SLC37A3: variants seen among roughly 807,000 people sequenced by gnomAD.
SLC37A3 encodes the protein solute carrier family 37 member 3, also known as sugar phosphate exchanger 3.
A neutral mutation model predicts 67.1 loss-of-function variants in SLC37A3; 51 were observed. The observed-to-expected ratio is 0.76, with a 90% confidence interval of 0.61 to 0.96. The LOEUF (loss-of-function observed/expected upper bound fraction) is 0.96. SLC37A3 is among the 40% of genes least tolerant of loss of function. The pLI is 0.00. For synonymous variants in SLC37A3, 214 were observed against 231.4 expected (o/e 0.92, Z 0.68); for missense variants, 508 against 603.0 (o/e 0.84, Z 1.65).
At chr7:140,386,487 TG>T (rs1214499545) in intron 1 of SLC37A3, among the ~76,000 whole-genome samples, 1 of 93,018 alleles carries the variant, frequency 1.1e-5, no homozygotes, top group Admixed American at 1.1e-4. Flanking sequence ...ACCTTGCACA[TG>T]TATCCTATCT....
At chr7:140,360,629 G>A (rs941020874) in intron 5 of SLC37A3, among the ~76,000 whole-genome samples, 2 of 151,630 alleles carry the variant, frequency 1.3e-5, no homozygotes, top group Non-Finnish European at 2.9e-5. Flanking sequence ...AGCTACTCAG[G>A]AGGCTAAAAC....
rs34892110 is a variant in SLC37A3, at chr7:140,376,940, ATTTTTTTT to A, written c.198+3334_198+3341del. ...AGGTATGTGCCACCACACCCAGCTAATTTTTTTTTTTTTTTTTTTTTGAGACAGAGTCT... is the reference window on the plus strand; with the variant it reads ...AGGTATGTGCCACCACACCCAGCTAATTTTTTTTTTTTTGAGACAGAGTCT... On this transcript the variant is annotated intron_variant, in intron 3 of 14. Coordinates refer to ENST00000326232, the MANE Select transcript of SLC37A3 (RefSeq NM_207113.3). 2.7e-5 allele frequency among the ~76,000 whole-genome samples: 3 copies of A among 110,494 alleles called. No homozygotes were observed. The East Asian group carries it at 8.4e-4, about 31-fold the overall frequency. The allele number at this position is 110,494 out of a possible 152,430, so 72.5% of individuals were successfully genotyped here.
At chr7:140,392,298 T>A (rs981146570) in intron 1 of SLC37A3, among the ~76,000 whole-genome samples, 1 of 152,174 alleles carries the variant, frequency 6.6e-6, no homozygotes, top group East Asian at 1.9e-4. Flanking sequence ...GTACTGCCAT[T>A]CCTTATAGTC....
At chr7:140,364,339 G>T in intron 5 of SLC37A3, 69 bp downstream of exon 5, 3 of 1,368,834 alleles carry the variant, frequency 2.2e-6, no homozygotes, top group South Asian at 2.5e-5. Context: ...ATTCTACAGA[G>T]AAGTAGGGAG....
chr7:140,381,431 G>A (rs1008155032), intron 2 of SLC37A3, among the ~76,000 whole-genome samples: 4 of 151,446 alleles, frequency 2.6e-5, no homozygotes, highest in Admixed American at 1.3e-4. Context: ...AGGCTGAGGC[G>A]GGTAGATCAT....
rs1226808063 is a variant in SLC37A3 at position 140,380,370 on chromosome 7, G to A, written c.110C>T (p.Ser37Leu). The A allele has an allele frequency of 1.9e-6, 3 of 1,612,496 alleles. No homozygotes were observed. Among genetic ancestry groups the A allele is most frequent in the Non-Finnish European group, 1.7e-6 (2 of 1,178,964 alleles). Residue 37 changes from serine (S) to leucine (L), a missense_variant, in exon 3 of 15, where the codon TCA (serine) becomes TTA (leucine). Physicochemically the swap from Ser to Leu is moderately radical, Grantham distance 145. Transcript: ENST00000326232. ...TFFSYSLLHASRKTFSNVKVS... is the reference protein window; with the variant it reads ...TFFSYSLLHALRKTFSNVKVS... ...TTTGACATTGCTAAATGTTTTTCGT[G>A]AAGCATGGAGCAACGAATAACTACA...
chr7:140,376,940 ATTTTTTTTTT>A (rs34892110), intron 3 of SLC37A3, among the ~76,000 whole-genome samples: 1 of 110,528 alleles, frequency 9.0e-6, no homozygotes, highest in Non-Finnish European at 1.8e-5. Flanking sequence ...CACCCAGCTA[ATTTTTTTTTT>A]TTTTTTTTTT....
chr7:140,361,530 CCTCCCTCT>C (rs1797287329), intron 5 of SLC37A3, among the ~76,000 whole-genome samples: 1 of 105,534 alleles, frequency 9.5e-6, no homozygotes, highest in Admixed American at 1.0e-4. Flanking sequence ...TCCCCCTCCC[CCTCCCTCT>C]CTCCCTCTCC....
rs531614440 is a variant in SLC37A3 at position 140,359,561 on chromosome 7, C to T, written c.376-776G>A. ...TTATGGCTACAGCTCCTGAGTTAAT[C>T]AACGAAAGCGAAACCTATCAAACTT... On this transcript the variant is annotated intron_variant, in intron 5 of 14. Transcript: ENST00000326232. 1.8e-3 allele frequency among the ~76,000 whole-genome samples: 276 copies of T among 152,204 alleles called. 3 individuals are homozygous for T. The highest frequency in any genetic ancestry group is 7.5e-4 in the Non-Finnish European group (51 of 68,004).
intron 3 of SLC37A3, chr7:140,379,961 A>T (rs959284390): frequency 1.8e-5 from 3 of 167,716 alleles, no homozygotes; most frequent in African/African-American, 7.1e-5. Flanking sequence ...AATAGGTGGA[A>T]AAGGGCAAAA....
rs1798226979 is a variant in SLC37A3 at position 140,380,900 on chromosome 7, T to TTC, written c.90-511_90-510insGA. Reference sequence around the variant, plus strand: ...CAATTTTAGAATTCTTCTTCTTCTTTTTTTTTTTTTTTTTGAGACAGAGTC... The same window carrying TTC: ...CAATTTTAGAATTCTTCTTCTTCTTTTCTTTTTTTTTTTTTTGAGACAGAGTC... On this transcript the variant is annotated intron_variant, in intron 2 of 14. Transcript: ENST00000326232. Among the ~76,000 whole-genome samples the TTC allele has an allele frequency of 4.5e-5, 3 of 66,666 alleles. No individual in the cohort carries two copies. In the Admixed American group the frequency reaches 4.5e-4, roughly 10 times the overall value. 43.7% of individuals were successfully genotyped at this position (66,666 alleles called of 152,430 possible).
At chr7:140,337,393 T>G in intron 13 of SLC37A3, 44 bp from the exon 14 acceptor site, 1 of 1,464,046 alleles carries the variant, frequency 6.8e-7, no homozygotes, top group Non-Finnish European at 9.2e-7. Context: ...TCTTTATAAT[T>G]CATAAAAGGA....
chr7:140,337,289 G>C lies in SLC37A3; in HGVS notation c.1387C>G (p.Leu463Val), dbSNP rs769455245. 1.3e-6 allele frequency: 2 copies of C among 1,594,490 alleles called. No individual in the cohort carries two copies. Among genetic ancestry groups the C allele is most frequent in the Non-Finnish European group, 1.7e-6 (2 of 1,172,214 alleles). The change falls in exon 14 of 15, where the codon CTC (leucine) becomes GTC (valine). Residue 463 changes from leucine to valine, a missense_variant. Leu to Val is a conservative substitution (Grantham distance 32). Transcript: ENST00000326232. ...GWMWVFYFFI[L>V]MTSCTIVFIS... ...TTAAAGGGGCACACACTTACCATGA[G>C]AATGAAAAAGTAGAAAACCCACATC...
chr7:140,346,322 G>A (rs1339578777), intron 10 of SLC37A3, among the ~76,000 whole-genome samples: 1 of 152,140 alleles, frequency 6.6e-6, no homozygotes, highest in Non-Finnish European at 1.5e-5. Context: ...GGAGCTTGCA[G>A]TGAGCCGAGA....
chr7:140,351,480 TG>T (rs1554422281), intron 8 of SLC37A3, 29 bp from the exon 9 acceptor site: 10 of 1,608,068 alleles, frequency 6.2e-6, no homozygotes, highest in Non-Finnish European at 8.5e-6. Context: ...CCACTGTTTA[TG>T]GAGTGCCTAC....
At chr7:140,391,854 C>CTGT (rs1798737809) in intron 1 of SLC37A3, among the ~76,000 whole-genome samples, 2 of 152,198 alleles carry the variant, frequency 1.3e-5, no homozygotes, top group African/African-American at 2.4e-5. Flanking sequence ...AAGCCCTCTT[C>CTGT]AGCACACAGC....
intron 2 of SLC37A3, among the ~76,000 whole-genome samples, chr7:140,381,799 T>C (rs148594457): frequency 1.3e-5 from 2 of 151,904 alleles, no homozygotes; most frequent in East Asian, 3.9e-4. Flanking sequence ...GAGGCCGAGG[T>C]GGGCAGATTA....
At chr7:140,352,394 T>C (rs1796851360) in intron 7 of SLC37A3, among the ~76,000 whole-genome samples, 1 of 152,206 alleles carries the variant, frequency 6.6e-6, no homozygotes, top group Non-Finnish European at 1.5e-5. Flanking sequence ...CCCTGGATAC[T>C]AAGTGGTACT....
At position 140,362,836 on chromosome 7, in the gene SLC37A3, C is replaced by T. The variant is rs1313587363; in HGVS notation, c.375+1572G>A. Reference sequence around the variant, plus strand: ...CCCGGAGGTGAGGGGCGCCTCTGCCCGGCCGCCCCTACTGGGAAGCGAGGA... The same window carrying T: ...CCCGGAGGTGAGGGGCGCCTCTGCCTGGCCGCCCCTACTGGGAAGCGAGGA... On this transcript the variant is annotated intron_variant, in intron 5 of 14. Transcript: ENST00000326232. Among the ~76,000 whole-genome samples the T allele has an allele frequency of 1.4e-4, 11 of 81,216 alleles. 1 individual carries two copies. The East Asian group carries it at 3.8e-3, about 28-fold the overall frequency. The allele number at this position is 81,216 out of a possible 152,430, so 53.3% of individuals were successfully genotyped here.
Sources: gnomAD v4.1 joint callset for allele counts (sites outside exome capture counted in the v4.1 genomes callset) on GRCh38, gnomAD v4.1.1 for gene constraint, MANE v1.5 for transcripts, NCBI Gene and HGNC (gene_info 2026-07-23, HGNC 2026-07-21) for gene names.